Variants in CPNE8 observed in about 807,000 individuals in gnomAD.
CPNE8 encodes the protein copine-8.
CPNE8 carries 45 observed loss-of-function variants against 81.5 expected under a neutral mutation model. That is an observed-to-expected ratio of 0.55 (90% CI 0.44 to 0.71). CPNE8 has a LOEUF of 0.71. CPNE8 is among the 30% of genes least tolerant of loss of function. The pLI, the probability that CPNE8 is intolerant of heterozygous loss-of-function variation, is 0.00. For missense variants in CPNE8, 594 were observed against 672.1 expected (o/e 0.88, Z 1.28); for synonymous variants, 252 against 226.3 (o/e 1.11, Z -1.02).
At chr12:38,859,721 C>T (rs1943801348) in intron 3 of CPNE8, among the ~76,000 whole-genome samples, 1 of 151,986 alleles carries the variant, frequency 6.6e-6, no homozygotes, top group South Asian at 2.1e-4. Context: ...ATAACAACAG[C>T]CACATGGATC....
intron 13 of CPNE8, among the ~76,000 whole-genome samples, chr12:38,717,630 A>G (rs1305606404): frequency 6.6e-6 from 1 of 151,420 alleles, no homozygotes; most frequent in African/African-American, 2.4e-5. Context: ...AAGGCATAAG[A>G]ATGATACAAC....
chr12:38,730,427 T>C, intron 10 of CPNE8, 69 bp from the exon 11 acceptor site: 1 of 832,804 alleles, frequency 1.2e-6, no homozygotes, highest in South Asian at 1.6e-5. Context: ...TTAAAGTTTT[T>C]AGAAAGGTTT....
intron 7 of CPNE8, among the ~76,000 whole-genome samples, chr12:38,775,170 G>A (rs1223068394): frequency 6.6e-6 from 1 of 152,022 alleles, no homozygotes; most frequent in Non-Finnish European, 1.5e-5. Context: ...TGTTGCCCAG[G>A]CTGGAGTGCA....
At chr12:38,654,765 G>T (rs756780031) in intron 19 of CPNE8, among the ~76,000 whole-genome samples, 12 of 152,006 alleles carry the variant, frequency 7.9e-5, no homozygotes, top group Admixed American at 3.9e-4. Flanking sequence ...CTGTCAAATG[G>T]AGTTAATATA....
intron 1 of CPNE8, among the ~76,000 whole-genome samples, chr12:38,902,411 G>GA (rs1396306850): frequency 1.5e-5 from 2 of 137,688 alleles, no homozygotes; most frequent in Non-Finnish European, 3.0e-5. Context: ...AAGAAAGAAA[G>GA]AAAGAAAAAG....
intron 19 of CPNE8, among the ~76,000 whole-genome samples, chr12:38,659,916 A>G (rs1938913736): frequency 6.6e-6 from 1 of 152,220 alleles, no homozygotes; most frequent in Admixed American, 6.5e-5. Flanking sequence ...AGGGATGTGA[A>G]GGACCTCTTC....
intron 13 of CPNE8, among the ~76,000 whole-genome samples, chr12:38,712,542 T>C (rs1471335510): frequency 2.0e-5 from 3 of 152,178 alleles, no homozygotes; most frequent in Non-Finnish European, 4.4e-5. Context: ...CTAAATTAAA[T>C]GTTTTACAGA....
chr12:38,790,217 C>T (rs1209853636), intron 6 of CPNE8, among the ~76,000 whole-genome samples: 4 of 151,482 alleles, frequency 2.6e-5, no homozygotes, highest in Non-Finnish European at 4.4e-5. Flanking sequence ...AGAATAGATA[C>T]AGAAAATGTG....
intron 6 of CPNE8, among the ~76,000 whole-genome samples, chr12:38,827,737 CAT>C (rs922612866): frequency 5.9e-5 from 9 of 152,294 alleles, no homozygotes; most frequent in Admixed American, 5.9e-4. Flanking sequence ...CCAAATACCA[CAT>C]GTTCTCACTT....
At chr12:38,658,403 A>G (rs542219184) in intron 19 of CPNE8, among the ~76,000 whole-genome samples, 283 of 152,342 alleles carry the variant, frequency 1.9e-3, no homozygotes, top group African/African-American at 6.4e-3. Flanking sequence ...GACTATGTGA[A>G]AAGACCAAAT....
chr12:38,772,743 T>G (rs1024513736), intron 7 of CPNE8, among the ~76,000 whole-genome samples: 1 of 152,130 alleles, frequency 6.6e-6, no homozygotes. Context: ...TACTGTATGA[T>G]CCAGCAATCC....
intron 8 of CPNE8, among the ~76,000 whole-genome samples, chr12:38,765,423 T>G (rs1941667460): frequency 6.6e-6 from 1 of 152,110 alleles, no homozygotes; most frequent in Non-Finnish European, 1.5e-5. Flanking sequence ...TAAATAAATG[T>G]CAAAGCAAGA....
At chr12:38,826,177 T>G (rs1460350307) in intron 6 of CPNE8, among the ~76,000 whole-genome samples, 2 of 152,218 alleles carry the variant, frequency 1.3e-5, no homozygotes, top group Non-Finnish European at 2.9e-5. Context: ...GCTCAAACAA[T>G]AATCTTACCT....
chr12:38,826,776 T>C (rs989265936), intron 6 of CPNE8, among the ~76,000 whole-genome samples: 6 of 152,120 alleles, frequency 3.9e-5, no homozygotes, highest in African/African-American at 1.4e-4. Context: ...AAATTTTTTA[T>C]AACTTAATAA....
At chr12:38,658,416 A>G (rs1938873957) in intron 19 of CPNE8, among the ~76,000 whole-genome samples, 1 of 152,226 alleles carries the variant, frequency 6.6e-6, no homozygotes, top group Non-Finnish European at 1.5e-5. Context: ...GACCAAATCT[A>G]CGTTTGATTG....
chr12:38,859,293 C>T (rs1177604748), intron 3 of CPNE8, among the ~76,000 whole-genome samples: 1 of 151,850 alleles, frequency 6.6e-6, no homozygotes. Context: ...GCTTTTTATA[C>T]ACCAACAATG....
intron 3 of CPNE8, among the ~76,000 whole-genome samples, chr12:38,868,708 T>A (rs1277112063): frequency 6.6e-6 from 1 of 152,128 alleles, no homozygotes; most frequent in East Asian, 1.9e-4. Flanking sequence ...TATTATCTAT[T>A]TGTCTCTCCA....
upstream of CPNE8, chr12:38,905,850 G>C: frequency 1.0e-6 from 1 of 985,344 alleles, no homozygotes; most frequent in Non-Finnish European, 1.2e-6. Context: ...GGCTGGAGGG[G>C]TCAGGCTTGG....
At chr12:38,798,225 G>A (rs1055465070) in intron 6 of CPNE8, among the ~76,000 whole-genome samples, 111 of 152,144 alleles carry the variant, frequency 7.3e-4, no homozygotes, top group Non-Finnish European at 1.2e-3. Context: ...CTTGAGAAGA[G>A]CAACTCCAAG....
Sources: gnomAD v4.1 joint callset for allele counts (sites outside exome capture counted in the v4.1 genomes callset) on GRCh38, gnomAD v4.1.1 for gene constraint, MANE v1.5 for transcripts, NCBI Gene and HGNC (gene_info 2026-07-23, HGNC 2026-07-21) for gene names.